The following ASZ1 variants were observed in gnomAD, a reference collection of about 807,000 sequenced individuals.
The protein encoded by ASZ1 is ankyrin repeat, SAM and basic leucine zipper domain containing 1, also known as ankyrin repeat, SAM and basic leucine zipper domain-containing protein 1.
In ASZ1, 67 loss-of-function variants were observed where a neutral mutation model predicts 61.8. The observed-to-expected ratio is 1.08, with a 90% CI of 0.89 to 1.33. ASZ1 has a LOEUF of 1.33. Among genes scored for constraint, ASZ1 ranks in the 40% most tolerant of loss-of-function variants. The pLI is 0.00. For missense variants in ASZ1, 577 were observed against 554.5 expected, an observed-to-expected ratio of 1.04 and a Z score of -0.41; for synonymous variants, 193 against 192.7, an observed-to-expected ratio of 1.00 and a Z score of -0.01.
chr7:117,417,496 G>C (rs1232508851), intron 4 of ASZ1, among the ~76,000 whole-genome samples: 1 of 152,122 alleles, frequency 6.6e-6, no homozygotes, highest in Non-Finnish European at 1.5e-5. Flanking sequence ...AATAGGTTTT[G>C]ATTTTTGTCA....
chr7:117,411,181 T>TTA (rs1234680255), intron 4 of ASZ1, among the ~76,000 whole-genome samples: 1 of 151,722 alleles, frequency 6.6e-6, no homozygotes, highest in African/African-American at 2.4e-5. Context: ...TTTCAAAAGG[T>TTA]CCAGGTAGAT....
At chr7:117,423,426 T>C (rs1797135087) in intron 2 of ASZ1, among the ~76,000 whole-genome samples, 1 of 152,090 alleles carries the variant, frequency 6.6e-6, no homozygotes, top group Non-Finnish European at 1.5e-5. Context: ...TAACAAATCT[T>C]CCTCTTTGAA....
chr7:117,392,140 T>C (rs1277673336), intron 4 of ASZ1, among the ~76,000 whole-genome samples: 2 of 152,164 alleles, frequency 1.3e-5, no homozygotes, highest in African/African-American at 4.8e-5. Flanking sequence ...AAAAATGACA[T>C]TGGTCATTTG....
chr7:117,422,619 A>G (rs1278324910), intron 2 of ASZ1, among the ~76,000 whole-genome samples: 3 of 152,164 alleles, frequency 2.0e-5, no homozygotes, highest in East Asian at 1.9e-4. Flanking sequence ...CTGAGTATGT[A>G]TATTATAACA....
chr7:117,381,096 T>C, intron 8 of ASZ1, 29 bp from the exon 9 acceptor site: 1 of 1,507,394 alleles, frequency 6.6e-7, no homozygotes, highest in South Asian at 1.2e-5. Flanking sequence ...AGGCCACCTT[T>C]CCATATAATT....
At chr7:117,406,670 T>C (rs1388768180) in intron 4 of ASZ1, among the ~76,000 whole-genome samples, 1 of 151,990 alleles carries the variant, frequency 6.6e-6, no homozygotes, top group Admixed American at 6.6e-5. Context: ...GGAGAATCTC[T>C]TGAACCCGGG....
At chr7:117,408,222 G>C (rs1416630082) in intron 4 of ASZ1, among the ~76,000 whole-genome samples, 1 of 152,050 alleles carries the variant, frequency 6.6e-6, no homozygotes, top group Non-Finnish European at 1.5e-5. Context: ...CCCACAACCA[G>C]TCATCTCATT....
At chr7:117,393,252 C>G (rs981060005) in intron 4 of ASZ1, among the ~76,000 whole-genome samples, 20 of 152,012 alleles carry the variant, frequency 1.3e-4, no homozygotes, top group African/African-American at 3.4e-4. Flanking sequence ...AGTCAGAATT[C>G]TAGGTAAATA....
chr7:117,420,043 G>A (rs1005416622), intron 4 of ASZ1, 120 bp downstream of exon 4: 15 of 636,132 alleles, frequency 2.4e-5, no homozygotes, highest in Non-Finnish European at 4.0e-5. Flanking sequence ...ATGACCTTAT[G>A]AACTATTTTC....
intron 4 of ASZ1, among the ~76,000 whole-genome samples, chr7:117,402,821 C>T (rs1796705348): frequency 6.6e-6 from 1 of 152,242 alleles, no homozygotes; most frequent in African/African-American, 2.4e-5. Flanking sequence ...AACCAGATGA[C>T]ACCGAATATT....
At chr7:117,388,936 G>A (rs73213823) in intron 4 of ASZ1, among the ~76,000 whole-genome samples, 6,120 of 152,268 alleles carry the variant, frequency 0.04, 211 homozygotes, top group Non-Finnish European at 0.064. Flanking sequence ...CAAGGTTACA[G>A]CATTCAAGAG....
chr7:117,385,445 G>A (rs1298500135), intron 5 of ASZ1, among the ~76,000 whole-genome samples: 2 of 151,864 alleles, frequency 1.3e-5, no homozygotes, highest in Non-Finnish European at 2.9e-5. Context: ...ATTTTTAGTA[G>A]AGACAGGGTT....
At chr7:117,405,962 C>G (rs999334088) in intron 4 of ASZ1, among the ~76,000 whole-genome samples, 11 of 152,140 alleles carry the variant, frequency 7.2e-5, no homozygotes, top group African/African-American at 2.7e-4. Flanking sequence ...GGCCTGTATT[C>G]CAAGGAATGG....
intron 10 of ASZ1, among the ~76,000 whole-genome samples, chr7:117,369,331 A>T (rs1407821396): frequency 6.6e-6 from 1 of 152,184 alleles, no homozygotes; most frequent in South Asian, 2.1e-4. Context: ...ATTATTGAAA[A>T]GTAGTAAGAG....
At chr7:117,417,106 A>G (rs1010902675) in intron 4 of ASZ1, among the ~76,000 whole-genome samples, 1 of 152,170 alleles carries the variant, frequency 6.6e-6, no homozygotes, top group Admixed American at 6.5e-5. Context: ...CTGAGACTTC[A>G]ATCTCAAGCT....
At chr7:117,405,298 C>T (rs1053632955) in intron 4 of ASZ1, among the ~76,000 whole-genome samples, 11 of 152,218 alleles carry the variant, frequency 7.2e-5, no homozygotes, top group Non-Finnish European at 1.3e-4. Context: ...TTTGCACAGG[C>T]AGGACAGTTA....
intron 4 of ASZ1, among the ~76,000 whole-genome samples, chr7:117,396,412 T>G (rs1182770760): frequency 1.3e-5 from 2 of 152,204 alleles, no homozygotes. Flanking sequence ...TGTAATTTGT[T>G]TTGTCTTCAG....
chr7:117,387,434 T>C (rs928329146), intron 4 of ASZ1, among the ~76,000 whole-genome samples: 1 of 152,176 alleles, frequency 6.6e-6, no homozygotes, highest in African/African-American at 2.4e-5. Flanking sequence ...TCATTACATC[T>C]AAATCCGAAC....
intron 9 of ASZ1, among the ~76,000 whole-genome samples, chr7:117,380,265 T>A (rs1796225615): frequency 6.6e-6 from 1 of 151,822 alleles, no homozygotes; most frequent in African/African-American, 2.4e-5. Flanking sequence ...TATAGTCAAT[T>A]TTTTTGCAAT....
Sources: allele counts gnomAD v4.1 joint callset (sites outside exome capture counted in the v4.1 genomes callset), GRCh38; gene constraint gnomAD v4.1.1; transcripts MANE v1.5; gene names NCBI Gene and HGNC (gene_info 2026-07-23, HGNC 2026-07-21).